The following DNAH12 variants were observed in gnomAD, a reference collection of about 807,000 sequenced individuals.
The protein encoded by DNAH12 is axonemal beta dynein heavy chain 12.
In DNAH12, 285 loss-of-function variants were observed where a neutral mutation model predicts 371.5. The observed-to-expected ratio is 0.77, with a 90% CI of 0.70 to 0.85. DNAH12 has a LOEUF of 0.85. Among genes scored for constraint, DNAH12 ranks in the 40% least tolerant of loss-of-function variants. DNAH12 has a pLI of 0.00. For missense variants in DNAH12, 3,611 were observed against 3,689.4 expected (o/e 0.98, Z 0.55); for synonymous variants, 1,200 against 1,213.0 (o/e 0.99, Z 0.22).
intron 62 of DNAH12, among the ~76,000 whole-genome samples, chr3:57,327,526 A>G (rs2061979618): frequency 6.6e-6 from 1 of 152,256 alleles, no homozygotes; most frequent in African/African-American, 2.4e-5. Context: ...ACAAAGACAC[A>G]ATATACCAGA....
rs915358929 is a variant in DNAH12 at position 57,458,320 on chromosome 3, A to G, written c.2932-100T>C. On this transcript the variant is annotated intron_variant, in intron 20 of 73. Transcript: ENST00000495027. The stretch of plus-strand genomic sequence containing the variant: ...ATATGTTAAAATCTTTTAATGTTAA[A>G]AGGTTTATGAAAAAATGTCAAAGGT... The G allele has an allele frequency of 1.1e-5, 14 of 1,310,382 alleles. No individual in the cohort carries two copies. In the African/African-American group the frequency reaches 1.5e-4, roughly 14 times the overall value. The allele number at this position is 1,310,382 out of a possible 1,614,324, so 81.2% of individuals were successfully genotyped here. A position where few individuals can be genotyped will look rare whatever the true frequency, so the allele number is the denominator to read the frequency against.
intron 5 of DNAH12, among the ~76,000 whole-genome samples, chr3:57,510,075 T>C (rs936607108): frequency 6.6e-6 from 1 of 151,918 alleles, no homozygotes; most frequent in Non-Finnish European, 1.5e-5. Flanking sequence ...ACATGATAAT[T>C]ATATACAATT....
intron 60 of DNAH12, among the ~76,000 whole-genome samples, chr3:57,343,927 A>G (rs1553657136): frequency 6.6e-6 from 1 of 152,176 alleles, no homozygotes; most frequent in Non-Finnish European, 1.5e-5. Flanking sequence ...GACCTTAATT[A>G]TAACATAGAT....
intron 16 of DNAH12, among the ~76,000 whole-genome samples, chr3:57,469,303 T>C (rs1021781226): frequency 1.3e-5 from 2 of 152,174 alleles, no homozygotes; most frequent in African/African-American, 2.4e-5. Context: ...GAATGGCTAT[T>C]ATTAAAAAGT....
chr3:57,466,129 T>A (rs2066195366), intron 17 of DNAH12, among the ~76,000 whole-genome samples: 1 of 150,656 alleles, frequency 6.6e-6, no homozygotes, highest in African/African-American at 2.4e-5. Context: ...GTGAAAAAAA[T>A]GAAGAAGCTC....
At chr3:57,361,853 A>C (rs1352838354) in intron 58 of DNAH12, among the ~76,000 whole-genome samples, 1 of 152,074 alleles carries the variant, frequency 6.6e-6, no homozygotes, top group Non-Finnish European at 1.5e-5. Flanking sequence ...TTCAATAATA[A>C]TACCTTTCCA....
intron 34 of DNAH12, among the ~76,000 whole-genome samples, chr3:57,427,484 C>T (rs1474164265): frequency 6.6e-6 from 1 of 151,650 alleles, no homozygotes; most frequent in South Asian, 2.1e-4. Flanking sequence ...GTCAGGAGTT[C>T]GAGACCAGCC....
chr3:57,368,882 T>TCA (rs1162246712), intron 55 of DNAH12, among the ~76,000 whole-genome samples: 6 of 152,078 alleles, frequency 3.9e-5, no homozygotes, highest in African/African-American at 1.2e-4. Context: ...TCTCTTGTAT[T>TCA]CAGTACAGTA....
intron 5 of DNAH12, 80 bp from the exon 6 acceptor site, chr3:57,509,292 T>C: frequency 7.4e-7 from 1 of 1,359,564 alleles, no homozygotes; most frequent in Non-Finnish European, 1.0e-6. Context: ...CTTTTGATTT[T>C]GGATGGTATA....
intron 37 of DNAH12, among the ~76,000 whole-genome samples, chr3:57,417,497 T>G (rs1004002085): frequency 5.3e-5 from 8 of 152,142 alleles, no homozygotes; most frequent in African/African-American, 1.9e-4. Context: ...ATTAATAAAT[T>G]TCTGTTCTTA....
intron 69 of DNAH12, among the ~76,000 whole-genome samples, chr3:57,308,623 C>T (rs2061520346): frequency 6.6e-6 from 1 of 152,160 alleles, no homozygotes; most frequent in African/African-American, 2.4e-5. Flanking sequence ...CATAAATGCC[C>T]TGCTCTTGTT....
chr3:57,448,746 A>C (rs2065633122), intron 25 of DNAH12, among the ~76,000 whole-genome samples: 1 of 115,294 alleles, frequency 8.7e-6, no homozygotes, highest in Non-Finnish European at 2.1e-5. Context: ...CCTGAGCTAG[A>C]TACAAAGCTC....
chr3:57,338,198 A>G (rs2062279336), intron 60 of DNAH12, among the ~76,000 whole-genome samples: 1 of 152,132 alleles, frequency 6.6e-6, no homozygotes, highest in Non-Finnish European at 1.5e-5. Context: ...TTTTTGGTGG[A>G]GACGGGTTTT....
chr3:57,428,053 C>T (rs547170176), intron 34 of DNAH12, among the ~76,000 whole-genome samples: 2 of 151,948 alleles, frequency 1.3e-5, no homozygotes, highest in East Asian at 1.9e-4. Flanking sequence ...CTCAGCCTCC[C>T]GAGTAGCTGG....
chr3:57,488,419 C>T (rs1380832210), intron 12 of DNAH12, among the ~76,000 whole-genome samples: 2 of 152,076 alleles, frequency 1.3e-5, no homozygotes, highest in African/African-American at 2.4e-5. Flanking sequence ...GTCTCGAACT[C>T]CTGACCTCGT....
At chr3:57,359,559 CAAAA>C (rs1268515074) in intron 58 of DNAH12, among the ~76,000 whole-genome samples, 10 of 72,122 alleles carry the variant, frequency 1.4e-4, no homozygotes, top group African/African-American at 4.4e-4. Flanking sequence ...AACTCCATCT[CAAAA>C]AAAAAAAAAA....
intron 18 of DNAH12, 80 bp downstream of exon 18, chr3:57,462,610 C>A: frequency 6.8e-7 from 1 of 1,480,216 alleles, no homozygotes; most frequent in Non-Finnish European, 9.0e-7. Context: ...GTACTATACA[C>A]ATTCAACCCC....
Position 57,383,784 on chromosome 3 carries a change from A to G in DNAH12, c.7860+1045T>C, listed in dbSNP as rs993289123. Among the ~76,000 whole-genome samples, 184 of 151,900 alleles carry G rather than the reference A, an allele frequency of 1.2e-3. 2 individuals are homozygous for G. Among genetic ancestry groups the G allele is most frequent in the Admixed American group, 0.011 (170 of 15,258 alleles). ...TAAAAAAAAAAAAAAAGGAGAAAAG[A>G]AAAGAAAAAAAGTACTGAGAGCATG... is the stretch of plus-strand genomic sequence containing the variant. On this transcript the variant is annotated intron_variant, in intron 49 of 73. Transcript: ENST00000495027.
Position 57,293,914 on chromosome 3 carries a change from CTT to C in DNAH12, c.11748_11749del (p.Ser3917Ter), listed in dbSNP as rs1189744481. On this transcript the variant is annotated frameshift_variant, in exon 74 of 74. Transcript: ENST00000495027. LOFTEE classifies it high-confidence loss of function. ...AGTGGAAAGAGTTCCTTTACGTTCACTTGTCTTGTAGAGGGGACAGACATAGG... is the reference window on the plus strand; with the variant it reads ...AGTGGAAAGAGTTCCTTTACGTTCACGTCTTGTAGAGGGGACAGACATAGG... 4 of 1,537,412 alleles carry C rather than the reference CTT, an allele frequency of 2.6e-6. No homozygotes were observed. In the East Asian group the frequency reaches 9.9e-5, roughly 38 times the overall value.
Sources: gnomAD v4.1 joint callset for allele counts (sites outside exome capture counted in the v4.1 genomes callset) on GRCh38, gnomAD v4.1.1 for gene constraint, MANE v1.5 for transcripts, NCBI Gene and HGNC (gene_info 2026-07-23, HGNC 2026-07-21) for gene names.